The following RAB10 variants were observed in gnomAD, a reference collection of about 807,000 sequenced individuals.
The protein encoded by RAB10 is RAB10, member RAS oncogene family.
Under a neutral mutation model 25.7 loss-of-function variants are expected in RAB10, and 5 were observed. The ratio of observed to expected loss-of-function variants is 0.19; its 90% CI spans 0.10 to 0.41. The LOEUF (loss-of-function observed/expected upper bound fraction) is 0.41. Among genes scored for constraint, RAB10 ranks in the 10% least tolerant of loss-of-function variants. The pLI, the probability that RAB10 is intolerant of heterozygous loss-of-function variation, is 1.00. For synonymous variants in RAB10, 89 were observed against 86.4 expected, an observed-to-expected ratio of 1.03 and a Z score of -0.16; for missense variants, 103 against 245.8, an observed-to-expected ratio of 0.42 and a Z score of 3.89.
chr2:26,105,637 C>T (rs1667451839), intron 2 of RAB10, among the ~76,000 whole-genome samples: 1 of 151,798 alleles, frequency 6.6e-6, no homozygotes, highest in South Asian at 2.1e-4. Flanking sequence ...GAGACTCCGT[C>T]TCAGGAAAAA....
intron 1 of RAB10, among the ~76,000 whole-genome samples, chr2:26,069,038 T>C (rs1265537738): frequency 1.3e-5 from 2 of 152,218 alleles, no homozygotes; most frequent in East Asian, 1.9e-4. Flanking sequence ...ATCTCTCACA[T>C]ATATATTCTT....
At chr2:26,047,788 A>G (rs1349403017) in intron 1 of RAB10, among the ~76,000 whole-genome samples, 3 of 141,900 alleles carry the variant, frequency 2.1e-5, no homozygotes, top group Admixed American at 7.6e-5. Context: ...CAGTCGCACA[A>G]TCTTGGCTCA....
upstream of RAB10, among the ~76,000 whole-genome samples, chr2:26,033,319 T>A (rs1665672212): frequency 6.6e-6 from 1 of 152,180 alleles, no homozygotes; most frequent in South Asian, 2.1e-4. Flanking sequence ...GCAGGTTCTC[T>A]GAGCACCGCA....
intron 1 of RAB10, among the ~76,000 whole-genome samples, chr2:26,095,174 T>C (rs1266011973): frequency 4.0e-5 from 6 of 151,440 alleles, no homozygotes; most frequent in Non-Finnish European, 8.8e-5. Context: ...CAGTGAATAG[T>C]TGTGTTTTGT....
chr2:26,056,880 C>T (rs910506211), intron 1 of RAB10, among the ~76,000 whole-genome samples: 1 of 152,086 alleles, frequency 6.6e-6, no homozygotes, highest in Non-Finnish European at 1.5e-5. Context: ...CTCTTGCCTC[C>T]TAAAGTGCTG....
chr2:26,033,765 C>CCGGGGAG (rs958693151), upstream of RAB10, among the ~76,000 whole-genome samples: 17 of 146,920 alleles, frequency 1.2e-4, no homozygotes, highest in Admixed American at 6.1e-4. Flanking sequence ...TAAGGGTGTC[C>CCGGGGAG]CGGGGAGCGG....
At chr2:26,120,295 G>T (rs1041773306) in intron 3 of RAB10, among the ~76,000 whole-genome samples, 2 of 152,154 alleles carry the variant, frequency 1.3e-5, no homozygotes, top group Non-Finnish European at 2.9e-5. Flanking sequence ...CCATGCTTCT[G>T]TACTTCTTTG....
At chr2:26,055,811 A>T (rs1666250123) in intron 1 of RAB10, among the ~76,000 whole-genome samples, 1 of 152,102 alleles carries the variant, frequency 6.6e-6, no homozygotes, top group Non-Finnish European at 1.5e-5. Flanking sequence ...GGTGTGAGCC[A>T]CCATGCGCCT....
chr2:26,131,823 C>T (rs1301309871), intron 5 of RAB10, among the ~76,000 whole-genome samples: 1 of 152,156 alleles, frequency 6.6e-6, no homozygotes, highest in Non-Finnish European at 1.5e-5. Context: ...ATTTCACTTA[C>T]TATAAGCAAA....
At chr2:26,077,892 T>C (rs2149272581) in intron 1 of RAB10, among the ~76,000 whole-genome samples, 1 of 151,800 alleles carries the variant, frequency 6.6e-6, no homozygotes, top group African/African-American at 2.4e-5. Context: ...GGCAGGAGAG[T>C]CACTTGGTCC....
intron 2 of RAB10, among the ~76,000 whole-genome samples, chr2:26,104,798 C>T (rs778482284): frequency 8.2e-5 from 12 of 147,002 alleles, no homozygotes; most frequent in Admixed American, 2.8e-4. Context: ...AATGCAGTGG[C>T]GCTATCTCGG....
At chr2:26,047,907 G>T (rs954937838) in intron 1 of RAB10, among the ~76,000 whole-genome samples, 4 of 151,520 alleles carry the variant, frequency 2.6e-5, no homozygotes, top group African/African-American at 9.7e-5. Context: ...TGTATTTTTA[G>T]TGGAGACGAG....
chr2:26,111,328 G>C (rs1370309672), intron 3 of RAB10, among the ~76,000 whole-genome samples: 2 of 152,060 alleles, frequency 1.3e-5, no homozygotes, highest in African/African-American at 4.8e-5. Context: ...ATCTTGGCTG[G>C]GCGCGGTGGC....
upstream of RAB10, chr2:26,034,066 G>T (rs1443986975): frequency 1.2e-5 from 5 of 402,300 alleles, no homozygotes; most frequent in Non-Finnish European, 1.8e-5. Flanking sequence ...GGAAGGGCGG[G>T]CGTACGCCCT....
rs761137629 is a variant in RAB10 at position 26,135,045 on chromosome 2, C to G, written c.*24C>G. 3 of 1,566,590 alleles carry G rather than the reference C, an allele frequency of 1.9e-6. No individual in the cohort carries two copies. The highest frequency in any genetic ancestry group is 2.6e-6 in the Non-Finnish European group (3 of 1,139,872). ...GAGCATTCTCCTGTTCCATCAGTTG[C>G]CATCCACTACCCCGTTTTCTCTTCT... is the stretch of plus-strand genomic sequence containing the variant. On this transcript the variant is annotated 3_prime_UTR_variant, in exon 6 of 6. Coordinates refer to ENST00000264710, the MANE Select transcript of RAB10 (RefSeq NM_016131.5).
intron 1 of RAB10, among the ~76,000 whole-genome samples, chr2:26,041,749 A>T (rs1337345363): frequency 6.6e-6 from 1 of 151,856 alleles, no homozygotes; most frequent in Non-Finnish European, 1.5e-5. Context: ...TACCAAAAAT[A>T]CAAAATTAGC....
chr2:26,050,536 G>T (rs1459508618), intron 1 of RAB10, among the ~76,000 whole-genome samples: 1 of 151,990 alleles, frequency 6.6e-6, no homozygotes. Flanking sequence ...TTGTTAATTT[G>T]TTCTACTGCC....
At chr2:26,108,615 T>TAA (rs576568660) in intron 2 of RAB10, among the ~76,000 whole-genome samples, 28 of 60,394 alleles carry the variant, frequency 4.6e-4, no homozygotes, top group African/African-American at 1.2e-3. Context: ...TAAGTGCATG[T>TAA]AAAAAAAAAA....
chr2:26,129,129 G>T (rs1358008147), intron 5 of RAB10, among the ~76,000 whole-genome samples: 1 of 152,072 alleles, frequency 6.6e-6, no homozygotes, highest in African/African-American at 2.4e-5. Context: ...AATTAGCTGG[G>T]TGTGGTGGCA....
Sources: allele counts gnomAD v4.1 joint callset (sites outside exome capture counted in the v4.1 genomes callset), GRCh38; gene constraint gnomAD v4.1.1; transcripts MANE v1.5; gene names NCBI Gene and HGNC (gene_info 2026-07-23, HGNC 2026-07-21).